Variants in KCNT2 observed in about 807,000 individuals in gnomAD.
The protein encoded by KCNT2 is potassium sodium-activated channel subfamily T member 2.
KCNT2 carries 67 observed loss-of-function variants against 153.8 expected under a neutral mutation model. The ratio of observed to expected loss-of-function variants is 0.44; its 90% CI spans 0.36 to 0.53. KCNT2 has a LOEUF of 0.53. Among genes scored for constraint, KCNT2 ranks in the 20% least tolerant of loss-of-function variants. KCNT2 has a pLI of 0.00. For synonymous variants in KCNT2, 500 were observed against 458.8 expected, an observed-to-expected ratio of 1.09 and a Z score of -1.15; for missense variants, 975 against 1,354.8, an observed-to-expected ratio of 0.72 and a Z score of 4.40.
At chr1:196,349,528 G>A (rs139943779) in intron 14 of KCNT2, among the ~76,000 whole-genome samples, 25 of 152,090 alleles carry the variant, frequency 1.6e-4, no homozygotes, top group African/African-American at 6.0e-4. Context: ...AGTGAGAGGT[G>A]GGCCTCTGTA....
intron 12 of KCNT2, among the ~76,000 whole-genome samples, chr1:196,401,428 G>A (rs573189152): frequency 6.6e-6 from 1 of 151,674 alleles, no homozygotes. Flanking sequence ...AGGACTTAAA[G>A]CTGCTACTAG....
intron 21 of KCNT2, among the ~76,000 whole-genome samples, chr1:196,311,723 T>C (rs548619309): frequency 6.6e-6 from 1 of 151,750 alleles, no homozygotes; most frequent in Non-Finnish European, 1.5e-5. Flanking sequence ...ACTCTGGTCA[T>C]AGCCCTGAAT....
chr1:196,566,644 T>C lies in KCNT2; in HGVS notation c.95+41571A>G, dbSNP rs543181490. Among the ~76,000 whole-genome samples the C allele has an allele frequency of 1.4e-4, 22 of 152,174 alleles. No individual in the cohort carries two copies. The East Asian group carries it at 3.7e-3, about 25-fold the overall frequency. On this transcript the variant is annotated intron_variant, in intron 1 of 27. Coordinates refer to ENST00000294725, the MANE Select transcript of KCNT2 (RefSeq NM_198503.5). ...TGAAAACTAAATGGAAGTTTACCCATAGTTTCACAATGAATAAACTGTTTT... is the reference window on the plus strand; with the variant it reads ...TGAAAACTAAATGGAAGTTTACCCACAGTTTCACAATGAATAAACTGTTTT...
chr1:196,352,498 T>C (rs1666807413), intron 14 of KCNT2, among the ~76,000 whole-genome samples: 1 of 152,108 alleles, frequency 6.6e-6, no homozygotes, highest in Non-Finnish European at 1.5e-5. Flanking sequence ...TGCACAGAGG[T>C]GTTTGTAGTA....
chr1:196,568,679 C>A (rs986661195), intron 1 of KCNT2, among the ~76,000 whole-genome samples: 1 of 151,624 alleles, frequency 6.6e-6, no homozygotes. Flanking sequence ...CTTTTTCTGG[C>A]AACTCACCTC....
chr1:196,328,452 A>G (rs1410831942), intron 18 of KCNT2, among the ~76,000 whole-genome samples: 1 of 152,090 alleles, frequency 6.6e-6, no homozygotes, highest in Non-Finnish European at 1.5e-5. Context: ...AAGAAAACTT[A>G]TTCAAGTAAA....
intron 1 of KCNT2, among the ~76,000 whole-genome samples, chr1:196,541,770 T>G (rs1656403429): frequency 6.6e-6 from 1 of 152,122 alleles, no homozygotes; most frequent in Non-Finnish European, 1.5e-5. Context: ...TATCTGATAA[T>G]AATTCTATAC....
intron 13 of KCNT2, among the ~76,000 whole-genome samples, chr1:196,382,597 G>A (rs557564034): frequency 6.6e-6 from 1 of 151,970 alleles, no homozygotes; most frequent in Admixed American, 6.6e-5. Flanking sequence ...TAGGGTATGA[G>A]GTAATTGGGC....
At chr1:196,317,890 T>C (rs1219833307) in intron 20 of KCNT2, among the ~76,000 whole-genome samples, 2 of 151,758 alleles carry the variant, frequency 1.3e-5, no homozygotes, top group African/African-American at 2.4e-5. Flanking sequence ...TAAATCTATA[T>C]AGAAAGTAGA....
Position 196,444,882 on chromosome 1 carries a change from A to C in KCNT2, c.639-15125T>G, listed in dbSNP as rs1029116168. Among the ~76,000 whole-genome samples the C allele has an allele frequency of 1.3e-4, 20 of 151,452 alleles. No homozygotes were observed. The South Asian group carries it at 4.1e-3, about 31-fold the overall frequency. On this transcript the variant is annotated intron_variant, in intron 8 of 27. Transcript: ENST00000294725. ...ATATTTACACTAAACTATTAGTCTC[A>C]GGCTGAAAATCACTTTAATACTGCC...
At chr1:196,318,838 T>C (rs550800678) in intron 20 of KCNT2, among the ~76,000 whole-genome samples, 88 of 151,926 alleles carry the variant, frequency 5.8e-4, no homozygotes, top group Admixed American at 2.6e-3. Context: ...TTTAGCATTT[T>C]ATTTTGAAGG....
chr1:196,359,511 A>T (rs556939967), intron 14 of KCNT2, among the ~76,000 whole-genome samples: 44 of 152,164 alleles, frequency 2.9e-4, no homozygotes, highest in African/African-American at 1.0e-3. Flanking sequence ...TCTTTAGTGC[A>T]TCTTATTTCA....
chr1:196,350,169 G>A (rs561006176), intron 14 of KCNT2, among the ~76,000 whole-genome samples: 5 of 152,202 alleles, frequency 3.3e-5, no homozygotes, highest in Admixed American at 1.3e-4. Flanking sequence ...ATAAACATAC[G>A]TGTGCATGTG....
chr1:196,368,792 A>C (rs1244753774), intron 14 of KCNT2, among the ~76,000 whole-genome samples: 1 of 152,096 alleles, frequency 6.6e-6, no homozygotes, highest in Non-Finnish European at 1.5e-5. Context: ...CCTCCTTCAC[A>C]TTTGTGAGCC....
At chr1:196,561,737 A>G (rs1007531986) in intron 1 of KCNT2, among the ~76,000 whole-genome samples, 1 of 150,154 alleles carries the variant, frequency 6.7e-6, no homozygotes, top group African/African-American at 2.4e-5. Context: ...GGAGATCCTG[A>G]CAACACGTGT....
chr1:196,522,893 C>CTGTAAAATGCACCAATCAGCAGGA (rs1338685690), intron 1 of KCNT2, among the ~76,000 whole-genome samples: 1 of 152,112 alleles, frequency 6.6e-6, no homozygotes, highest in East Asian at 1.9e-4. Context: ...AATCAGTGCT[C>CTGTAAAATGCACCAATCAGCAGGA]TGTAAAATGC....
At chr1:196,378,862 GC>G (rs941699953) in intron 13 of KCNT2, among the ~76,000 whole-genome samples, 1 of 148,806 alleles carries the variant, frequency 6.7e-6, no homozygotes, top group Admixed American at 6.8e-5. Context: ...TTACTTGGGT[GC>G]CTAAAGACTA....
In KCNT2 at chr1:196,491,527, T is replaced by C. The variant is rs375284637; in HGVS notation, c.175+735A>G. Reference sequence around the variant, plus strand: ...CAGGCCTCTCCATTCCCTGTGACATTGTAAGCAATGACCATAAAAAAAATT... The same window carrying C: ...CAGGCCTCTCCATTCCCTGTGACATCGTAAGCAATGACCATAAAAAAAATT... On this transcript the variant is annotated intron_variant, in intron 2 of 27. Transcript: ENST00000294725. Among the ~76,000 whole-genome samples the C allele has an allele frequency of 3.9e-5, 6 of 152,086 alleles. No individual in the cohort carries two copies. In the East Asian group the frequency reaches 9.7e-4, roughly 25 times the overall value.
At chr1:196,343,765 T>C (rs553689834) in intron 14 of KCNT2, among the ~76,000 whole-genome samples, 28 of 151,982 alleles carry the variant, frequency 1.8e-4, no homozygotes, top group Non-Finnish European at 3.1e-4. Context: ...TTTTGTTTTG[T>C]TTTGTTTTTA....
Sources: allele counts gnomAD v4.1 joint callset (sites outside exome capture counted in the v4.1 genomes callset), GRCh38; gene constraint gnomAD v4.1.1; transcripts MANE v1.5; gene names NCBI Gene and HGNC (gene_info 2026-07-23, HGNC 2026-07-21).